Variants in SLC16A12 observed in about 807,000 individuals in gnomAD.
SLC16A12 encodes monocarboxylate transporter 12.
SLC16A12 carries 17 observed loss-of-function variants against 42.4 expected under a neutral mutation model. That is an observed-to-expected ratio of 0.40 (90% CI 0.27 to 0.60). The LOEUF (loss-of-function observed/expected upper bound fraction) is 0.60, where lower values mean the gene tolerates loss of function less well. Among genes scored for constraint, SLC16A12 ranks in the 20% least tolerant of loss-of-function variants. SLC16A12 has a pLI of 0.42. For missense variants in SLC16A12, 544 were observed against 623.0 expected (o/e 0.87, Z 1.35); for synonymous variants, 224 against 229.4 (o/e 0.98, Z 0.21).
chr10:89,449,340 C>T (rs1369420053), intron 3 of SLC16A12, among the ~76,000 whole-genome samples: 2 of 152,166 alleles, frequency 1.3e-5, no homozygotes, highest in Non-Finnish European at 2.9e-5. Flanking sequence ...AGGCATCATG[C>T]TACCTGACTT....
chr10:89,483,795 A>G (rs953414206), intron 2 of SLC16A12, among the ~76,000 whole-genome samples: 49 of 151,512 alleles, frequency 3.2e-4, no homozygotes, highest in African/African-American at 1.1e-3. Flanking sequence ...GATAACAATT[A>G]ATGCTTACAT....
chr10:89,546,565 A>T (rs568220857), intron 2 of SLC16A12, among the ~76,000 whole-genome samples: 1 of 152,358 alleles, frequency 6.6e-6, no homozygotes, highest in South Asian at 2.1e-4. Context: ...AGAAATAGGA[A>T]CACTTTTACA....
At chr10:89,450,936 CAGAGAA>C (rs1195424966) in intron 3 of SLC16A12, among the ~76,000 whole-genome samples, 7 of 151,768 alleles carry the variant, frequency 4.6e-5, no homozygotes, top group African/African-American at 7.3e-5. Context: ...TGTGTATGTG[CAGAGAA>C]AGAGAAAGAA....
Position 89,549,666 on chromosome 10 carries a change from C to T in SLC16A12, c.-47+6216G>A, listed in dbSNP as rs570345743. Among the ~76,000 whole-genome samples the T allele has an allele frequency of 1.2e-4, 18 of 152,160 alleles. No individual in the cohort carries two copies. In the East Asian group the frequency reaches 1.9e-3, roughly 16 times the overall value. Reference sequence around the variant, plus strand: ...TAACTGCTTGCCAATTGCTTTAGGGCGTTTCCACCTAATTCTAAGGTTAGC... The same window carrying T: ...TAACTGCTTGCCAATTGCTTTAGGGTGTTTCCACCTAATTCTAAGGTTAGC... On this transcript the variant is annotated intron_variant, in intron 2 of 2. Transcript: ENST00000475682.
intron 2 of SLC16A12, among the ~76,000 whole-genome samples, chr10:89,519,484 G>T (rs1843314496): frequency 6.6e-6 from 1 of 152,142 alleles, no homozygotes; most frequent in Non-Finnish European, 1.5e-5. Context: ...ATCCCAGCGT[G>T]AGAACCGGAA....
chr10:89,443,832 G>A lies in SLC16A12; in HGVS notation c.228C>T (p.Phe76=). The change falls in exon 4 of 8, where the codon TTC becomes TTT. Residue 76 remains phenylalanine, a synonymous_variant. Transcript: ENST00000371790. ...TRCISIFFVE[F]QTYFTQDYAQ... ...CGTAATCCTGAGTGAAGTATGTCTGGAACTCCACAAAAAAAATTGAGATAC... is the reference window on the plus strand; with the variant it reads ...CGTAATCCTGAGTGAAGTATGTCTGAAACTCCACAAAAAAAATTGAGATAC... The A allele has an allele frequency of 6.2e-7, 1 of 1,613,164 alleles. No homozygotes were observed. The highest frequency in any genetic ancestry group is 2.2e-5 in the East Asian group (1 of 44,860).
intron 1 of SLC16A12, among the ~76,000 whole-genome samples, chr10:89,535,047 C>A: frequency 6.6e-6 from 1 of 152,162 alleles, no homozygotes; most frequent in Admixed American, 6.5e-5. Context: ...ATATAGCACA[C>A]ACGGGAAATA....
chr10:89,515,054 TGCACTTTAGCCTTG>T (rs1843224612), intron 2 of SLC16A12, among the ~76,000 whole-genome samples: 1 of 151,600 alleles, frequency 6.6e-6, no homozygotes, highest in South Asian at 2.1e-4. Context: ...ATTTCACCAC[TGCACTTTAGCCTTG>T]GCAACAGAGC....
chr10:89,459,449 G>A (rs1478636514), intron 3 of SLC16A12, among the ~76,000 whole-genome samples: 1 of 151,980 alleles, frequency 6.6e-6, no homozygotes, highest in African/African-American at 2.4e-5. Context: ...AGTGTGGTGT[G>A]TGTATGAGAA....
chr10:89,487,984 A>G (rs1246812486), intron 2 of SLC16A12, among the ~76,000 whole-genome samples: 2 of 138,176 alleles, frequency 1.4e-5, no homozygotes, highest in Admixed American at 7.6e-5. Flanking sequence ...ATATATATAT[A>G]TATATATATA....
At chr10:89,471,372 A>G (rs892051378) in intron 2 of SLC16A12, among the ~76,000 whole-genome samples, 1 of 152,230 alleles carries the variant, frequency 6.6e-6, no homozygotes, top group African/African-American at 2.4e-5. Context: ...GAATTTCATA[A>G]AGATAGAATC....
At chr10:89,488,002 A>AC (rs1266005274) in intron 2 of SLC16A12, among the ~76,000 whole-genome samples, 4 of 145,468 alleles carry the variant, frequency 2.7e-5, no homozygotes, top group East Asian at 4.0e-4. Context: ...ATATACACAC[A>AC]CACATTTATT....
intron 3 of SLC16A12, among the ~76,000 whole-genome samples, chr10:89,453,860 T>C (rs77590064): frequency 0.038 from 5,722 of 152,200 alleles, 356 homozygotes; most frequent in African/African-American, 0.13. Flanking sequence ...GTTAGCAGCA[T>C]CCCTGGCTTC....
At chr10:89,498,733 G>A (rs1039111749) in intron 2 of SLC16A12, among the ~76,000 whole-genome samples, 3 of 152,108 alleles carry the variant, frequency 2.0e-5, no homozygotes, top group Non-Finnish European at 4.4e-5. Context: ...GCTCCTGCAG[G>A]ACCTGGGAGA....
intron 2 of SLC16A12, among the ~76,000 whole-genome samples, chr10:89,466,397 C>G (rs1842400966): frequency 6.6e-6 from 1 of 152,112 alleles, no homozygotes; most frequent in Non-Finnish European, 1.5e-5. Flanking sequence ...GTGGGACAGG[C>G]ACAGTTCATG....
At chr10:89,521,123 C>A (rs1245907470) in intron 2 of SLC16A12, among the ~76,000 whole-genome samples, 2 of 152,180 alleles carry the variant, frequency 1.3e-5, no homozygotes, top group African/African-American at 4.8e-5. Context: ...CTATCAAATG[C>A]TGAAGTTGAG....
At chr10:89,513,227 T>C (rs972154680) in intron 2 of SLC16A12, among the ~76,000 whole-genome samples, 3 of 152,212 alleles carry the variant, frequency 2.0e-5, no homozygotes, top group Non-Finnish European at 2.9e-5. Flanking sequence ...TTTCACATAA[T>C]GATACCATGG....
chr10:89,529,001 C>CA (rs1454800153), intron 2 of SLC16A12, among the ~76,000 whole-genome samples: 2 of 152,174 alleles, frequency 1.3e-5, no homozygotes, highest in Non-Finnish European at 2.9e-5. Flanking sequence ...TGGGCTACCC[C>CA]TATTCATAAC....
chr10:89,436,868 A>AAGAAAGAAAG (rs1554884215), intron 6 of SLC16A12, among the ~76,000 whole-genome samples: 1 of 120,516 alleles, frequency 8.3e-6, no homozygotes, highest in African/African-American at 3.3e-5. Flanking sequence ...GAAATAAAGA[A>AAGAAAGAAAG]AAAGAAAGAA....
Sources: gnomAD v4.1 joint callset for allele counts (sites outside exome capture counted in the v4.1 genomes callset) on GRCh38, gnomAD v4.1.1 for gene constraint, MANE v1.5 for transcripts, NCBI Gene and HGNC (gene_info 2026-07-23, HGNC 2026-07-21) for gene names.